Variants in KDM1A observed in about 807,000 individuals in gnomAD.
KDM1A encodes lysine demethylase 1A, also known as lysine-specific histone demethylase 1A.
Under a neutral mutation model 109.4 loss-of-function variants are expected in KDM1A, and 49 were observed. The observed-to-expected ratio is 0.45, with a 90% CI of 0.36 to 0.57. KDM1A has a LOEUF of 0.57. Ranked by LOEUF, KDM1A falls within the 20% of genes least tolerant of loss-of-function variation. KDM1A has a pLI of 0.00. For missense variants in KDM1A, 668 were observed against 1,116.6 expected (o/e 0.60, Z 5.73); for synonymous variants, 380 against 415.4 (o/e 0.91, Z 1.04).
At chr1:23,020,000 A>AGGCTTCTCCGC in intron 1 of KDM1A, 53 bp downstream of exon 1, 1 of 1,411,404 alleles carries the variant, frequency 7.1e-7, no homozygotes, top group Non-Finnish European at 9.3e-7. Flanking sequence ...AGCTTCCCCG[A>AGGCTTCTCCGC]GGCTTCTCCG....
chr1:23,071,959 A>C (rs1213082575), intron 13 of KDM1A, among the ~76,000 whole-genome samples, 165 bp from the exon 14 acceptor site: 3 of 152,090 alleles, frequency 2.0e-5, no homozygotes, highest in African/African-American at 7.2e-5. Flanking sequence ...GTCTCCAAAA[A>C]CAAAAATCTC....
At chr1:23,024,142 C>T (rs1055716344) in intron 1 of KDM1A, among the ~76,000 whole-genome samples, 10 of 151,994 alleles carry the variant, frequency 6.6e-5, no homozygotes, top group African/African-American at 2.2e-4. Flanking sequence ...AGCCACCTCA[C>T]CCAACCAAGA....
chr1:23,023,363 A>C (rs1641699875), intron 1 of KDM1A, among the ~76,000 whole-genome samples: 1 of 152,110 alleles, frequency 6.6e-6, no homozygotes, highest in South Asian at 2.1e-4. Context: ...ATTTATGTCG[A>C]TGATCTTTTC....
chr1:23,061,381 A>T (rs1369842842), intron 9 of KDM1A, among the ~76,000 whole-genome samples: 1 of 152,128 alleles, frequency 6.6e-6, no homozygotes, highest in Non-Finnish European at 1.5e-5. Context: ...GGTTTTTAGC[A>T]TTTTGAATGC....
At chr1:23,029,448 T>G (rs1320356840) in intron 1 of KDM1A, among the ~76,000 whole-genome samples, 2 of 152,268 alleles carry the variant, frequency 1.3e-5, no homozygotes, top group South Asian at 2.1e-4. Flanking sequence ...AATACCGTAT[T>G]ACACATTTTG....
At chr1:23,058,218 G>A (rs959287969) in intron 8 of KDM1A, among the ~76,000 whole-genome samples, 1 of 152,022 alleles carries the variant, frequency 6.6e-6, no homozygotes, top group Non-Finnish European at 1.5e-5. Context: ...TAGAGATGAG[G>A]TCTCACTATA....
chr1:23,050,284 A>T (rs1642628048), intron 3 of KDM1A, 103 bp from the exon 4 acceptor site: 1 of 1,231,810 alleles, frequency 8.1e-7, no homozygotes, highest in East Asian at 2.9e-5. Flanking sequence ...AAAATTTTTT[A>T]AAAAGGTCAG....
At chr1:23,041,190 T>C (rs1642319861) in intron 2 of KDM1A, among the ~76,000 whole-genome samples, 1 of 152,174 alleles carries the variant, frequency 6.6e-6, no homozygotes, top group Admixed American at 6.5e-5. Flanking sequence ...GTAAAGATGA[T>C]CTTTCAGTTG....
chr1:23,033,519 TAAAAAA>T (rs889718312), intron 2 of KDM1A, among the ~76,000 whole-genome samples: 1 of 151,360 alleles, frequency 6.6e-6, no homozygotes, highest in African/African-American at 2.4e-5. Flanking sequence ...GACTCCGCCT[TAAAAAA>T]AAATCCAAAA....
In KDM1A at chr1:23,057,451, T is replaced by C. The variant is rs367543358; in HGVS notation, c.991-33T>C. 5.8e-6 allele frequency: 9 copies of C among 1,552,900 alleles called. No individual in the cohort carries two copies. In the African/African-American group the frequency reaches 1.1e-4, roughly 19 times the overall value. On this transcript the variant is annotated intron_variant, in intron 7 of 20. Transcript: ENST00000400181. ...TGCCAGGTTTGTGGTTAAAACAGAATTGATGATTTTGGCTACTTAATTTCT... is the reference window on the plus strand; with the variant it reads ...TGCCAGGTTTGTGGTTAAAACAGAACTGATGATTTTGGCTACTTAATTTCT...
intron 4 of KDM1A, among the ~76,000 whole-genome samples, chr1:23,052,340 G>A (rs1642697914): frequency 6.6e-6 from 1 of 152,194 alleles, no homozygotes; most frequent in African/African-American, 2.4e-5. Flanking sequence ...GGAGGAGGAG[G>A]AAGACTTGTG....
chr1:23,082,363 A>G lies in KDM1A; in HGVS notation c.2442A>G (p.Pro814=). ...CTGGCCCCTCGATTCCAGGTGCCCC[A>G]CAGGTGAGAAGCTGGCAAACTATCT... The part of the protein sequence containing the change: ...ITPGPSIPGA[P]QPIPRLFFAG... Residue 814 remains proline, a synonymous_variant, in exon 20 of 21, where the codon CCA becomes CCG. Coordinates refer to ENST00000400181, the MANE Select transcript of KDM1A (RefSeq NM_001009999.3). 6.2e-7 allele frequency: 1 copy of G among 1,610,856 alleles called. No individual in the cohort carries two copies. Among genetic ancestry groups the G allele is most frequent in the Non-Finnish European group, 8.5e-7 (1 of 1,178,750 alleles).
chr1:23,063,488 A>G (rs1272199716), intron 9 of KDM1A, among the ~76,000 whole-genome samples: 3 of 152,128 alleles, frequency 2.0e-5, no homozygotes, highest in Non-Finnish European at 4.4e-5. Flanking sequence ...TGCTTTTGAC[A>G]CAGGTCTGTT....
intron 2 of KDM1A, among the ~76,000 whole-genome samples, chr1:23,038,250 CTGTTTGTGTGTG>C (rs1273918637): frequency 3.5e-5 from 3 of 85,066 alleles, no homozygotes; most frequent in Non-Finnish European, 5.1e-5. Flanking sequence ...GCATCTGGAA[CTGTTTGTGTGTG>C]TGTGTGTGTG....
intron 19 of KDM1A, 108 bp from the exon 20 acceptor site, chr1:23,082,112 C>T (rs1643636743): frequency 8.4e-7 from 1 of 1,191,262 alleles, no homozygotes; most frequent in East Asian, 2.4e-5. Flanking sequence ...ACATGTTGCC[C>T]CTCTTTCTCT....
chr1:23,044,873 C>A (rs746514093), intron 3 of KDM1A, among the ~76,000 whole-genome samples: 1 of 152,034 alleles, frequency 6.6e-6, no homozygotes, highest in South Asian at 2.1e-4. Flanking sequence ...CAAAAACAAA[C>A]GGGACTGAGA....
intron 3 of KDM1A, among the ~76,000 whole-genome samples, chr1:23,044,879 T>A (rs1268867676): frequency 6.6e-6 from 1 of 152,164 alleles, no homozygotes; most frequent in African/African-American, 2.4e-5. Flanking sequence ...CAAACGGGAC[T>A]GAGAGGCATT....
chr1:23,053,201 A>G (rs567362966), intron 4 of KDM1A, among the ~76,000 whole-genome samples: 23 of 152,192 alleles, frequency 1.5e-4, no homozygotes, highest in African/African-American at 4.8e-4. Flanking sequence ...TTCTAGCTCT[A>G]TGGATTTGGC....
chr1:23,044,348 C>A, intron 2 of KDM1A, 79 bp from the exon 3 acceptor site: 1 of 1,360,562 alleles, frequency 7.3e-7, no homozygotes, highest in Non-Finnish European at 1.0e-6. Context: ...CATGAGTCGC[C>A]AACTATTAGG....
Sources: allele counts gnomAD v4.1 joint callset (sites outside exome capture counted in the v4.1 genomes callset), GRCh38; gene constraint gnomAD v4.1.1; transcripts MANE v1.5; gene names NCBI Gene and HGNC (gene_info 2026-07-23, HGNC 2026-07-21).